Variants in TENM1 observed in about 807,000 individuals in gnomAD.
TENM1 encodes teneurin-1.
In TENM1, 35 loss-of-function variants were observed where a neutral mutation model predicts 174.8. The ratio of observed to expected loss-of-function variants is 0.20; its 90% CI spans 0.15 to 0.27. The LOEUF is 0.27. Among genes scored for constraint, TENM1 ranks in the 10% least tolerant of loss-of-function variants. The pLI, the probability that TENM1 is intolerant of heterozygous loss-of-function variation, is 1.00. For missense variants in TENM1, 1,633 were observed against 2,130.1 expected (o/e 0.77, Z 4.59); for synonymous variants, 781 against 798.7 (o/e 0.98, Z 0.37).
intron 11 of TENM1, among the ~76,000 whole-genome samples, chrX:124,627,112 G>C (rs1177051096): frequency 1.8e-5 from 2 of 111,709 alleles, no homozygotes; most frequent in Non-Finnish European, 3.8e-5. Context: ...AGGAGGCTGA[G>C]AGGTGGTGAT....
the TENM1 span, among the ~76,000 whole-genome samples, chrX:125,101,956 T>C: frequency 8.9e-6 from 1 of 111,791 alleles, no homozygotes; most frequent in Non-Finnish European, 1.9e-5. Context: ...TCAGAGCAAC[T>C]TACAATGTTG....
In TENM1 at chrX:124,536,170, C is replaced by G. The variant is rs533509119; in HGVS notation, c.2652-6187G>C. ...ATATTTTGGGGGTTTCCTTACAACACGTGCTACTTTTGATATATGTTATCT... is the reference window on the plus strand; with the variant it reads ...ATATTTTGGGGGTTTCCTTACAACAGGTGCTACTTTTGATATATGTTATCT... On this transcript the variant is annotated intron_variant, in intron 15 of 31. Coordinates refer to ENST00000422452, the Ensembl canonical transcript of TENM1. 3.9e-4 allele frequency among the ~76,000 whole-genome samples: 44 copies of G among 111,695 alleles called. 1 individual carries two copies. The South Asian group carries it at 0.016, about 41-fold the overall frequency.
chrX:124,483,035 C>A (rs999204638), intron 21 of TENM1, among the ~76,000 whole-genome samples: 13 of 112,137 alleles, frequency 1.2e-4, no homozygotes, highest in African/African-American at 3.9e-4. Context: ...GGAATATTTT[C>A]TATAGATCGA....
the TENM1 span, among the ~76,000 whole-genome samples, chrX:124,970,390 G>A: frequency 1.1e-4 from 12 of 111,986 alleles, no homozygotes; most frequent in African/African-American, 3.2e-4. Context: ...GCCACACAGT[G>A]CCTGAGGAAT....
chrX:124,709,978 AAAT>A (rs1277350263), intron 4 of TENM1, among the ~76,000 whole-genome samples: 1 of 111,507 alleles, frequency 9.0e-6, no homozygotes, highest in Non-Finnish European at 1.9e-5. Context: ...AACAATATAA[AAAT>A]AATAATAAGA....
At chrX:124,450,554 C>T (rs1017056113) in intron 23 of TENM1, among the ~76,000 whole-genome samples, 2 of 111,150 alleles carry the variant, frequency 1.8e-5, no homozygotes, top group African/African-American at 6.6e-5. Context: ...TTATCAGCAG[C>T]GTAAAAATGG....
chrX:124,947,786 C>T (rs1444291528), intron 1 of TENM1, among the ~76,000 whole-genome samples: 1 of 111,527 alleles, frequency 9.0e-6, no homozygotes, highest in African/African-American at 3.3e-5. Context: ...GAAGTTAAGC[C>T]TCTTATGTGG....
chrX:124,971,196 TA>T, the TENM1 span, among the ~76,000 whole-genome samples: 3 of 108,002 alleles, frequency 2.8e-5, no homozygotes, highest in Non-Finnish European at 5.8e-5. Context: ...AATGACGGGT[TA>T]ATGGGTGCAG....
At chrX:124,811,747 A>T (rs1287128540) in intron 3 of TENM1, among the ~76,000 whole-genome samples, 1 of 111,817 alleles carries the variant, frequency 8.9e-6, no homozygotes. Flanking sequence ...CACAATAGTC[A>T]AGATATGAAA....
chrX:124,871,838 C>G (rs2057114466), intron 3 of TENM1, among the ~76,000 whole-genome samples: 1 of 109,603 alleles, frequency 9.1e-6, no homozygotes, highest in Non-Finnish European at 1.9e-5. Flanking sequence ...TCGAGACCAT[C>G]CTGGCCACCA....
intron 20 of TENM1, 110 bp downstream of exon 23, chrX:124,496,906 A>G (rs1411524054): frequency 1.2e-6 from 1 of 813,819 alleles, no homozygotes; most frequent in Non-Finnish European, 1.8e-6. Context: ...CAGTGCTACA[A>G]TAGGGGCAAC....
chrX:124,449,811 T>C (rs377395396), intron 23 of TENM1, among the ~76,000 whole-genome samples: 1 of 111,678 alleles, frequency 9.0e-6, no homozygotes, highest in Non-Finnish European at 1.9e-5. Flanking sequence ...TGACTATATA[T>C]GAACATTTCT....
In TENM1 at chrX:124,859,553, A is replaced by C. The variant is rs191128093; in HGVS notation, c.535+34743T>G. ...GGTGAGACCCTGTCTCAAAAAAAAA[A>C]AAAAAACAAAAAGAAAGTTTGAGTT... On this transcript the variant is annotated intron_variant, in intron 3 of 31. Transcript: ENST00000422452. 1.2e-3 allele frequency among the ~76,000 whole-genome samples: 128 copies of C among 110,194 alleles called. 1 individual carries two copies. The highest frequency in any genetic ancestry group is 4.8e-3 in the Middle Eastern group (1 of 209).
rs907014202 is a variant in TENM1 at position 124,380,645 on chromosome X, A to G, written c.8090T>C (p.Val2697Ala). The G allele has an allele frequency of 8.3e-6, 10 of 1,209,700 alleles. No individual in the cohort carries two copies. In the Admixed American group the frequency reaches 1.7e-4, roughly 21 times the overall value. ...AACAAAATACCCATCGTAACCTTGT[A>G]CCCGCCCAGTGCTCAAAAGCTGCTG... Residue 2697 changes from valine (V) to alanine (A), a missense_variant, in exon 32 of 32, where the codon GTA becomes GCA. Physicochemically the swap from Val to Ala is moderately conservative, Grantham distance 64. Coordinates refer to ENST00000422452, the Ensembl canonical transcript of TENM1.
intron 3 of TENM1, among the ~76,000 whole-genome samples, chrX:124,835,721 G>A (rs780261690): frequency 5.6e-4 from 63 of 111,518 alleles, no homozygotes; most frequent in Non-Finnish European, 1.0e-3. Flanking sequence ...TTGGCATAGA[G>A]TTACCTTCAT....
chrX:124,586,430 C>A (rs2049515780), intron 11 of TENM1, among the ~76,000 whole-genome samples: 1 of 109,387 alleles, frequency 9.1e-6, no homozygotes, highest in Non-Finnish European at 1.9e-5. Context: ...GAACCAAAGA[C>A]AAAAACCACA....
exon 32 of TENM1, chrX:124,375,928 A>T (rs2060099743): frequency 8.9e-6 from 1 of 112,727 alleles, no homozygotes; most frequent in Non-Finnish European, 1.9e-5. Flanking sequence ...TTTATTTTTT[A>T]AAAATGAAAT....
chrX:124,732,824 CAGAG>C (rs1306621884), intron 4 of TENM1, among the ~76,000 whole-genome samples: 2 of 112,031 alleles, frequency 1.8e-5, no homozygotes, highest in African/African-American at 6.5e-5. Flanking sequence ...AAGAAACAGA[CAGAG>C]AGGAGCAAAA....
the TENM1 span, among the ~76,000 whole-genome samples, chrX:125,088,102 C>A: frequency 9.0e-6 from 1 of 111,392 alleles, no homozygotes; most frequent in African/African-American, 3.3e-5. Context: ...ATGTTGATAA[C>A]ATTTACCCTT....
Sources: allele counts gnomAD v4.1 joint callset (sites outside exome capture counted in the v4.1 genomes callset), GRCh38; gene constraint gnomAD v4.1.1; transcripts MANE v1.5; gene names NCBI Gene and HGNC (gene_info 2026-07-23, HGNC 2026-07-21).